The following DYNC2LI1 variants were observed in gnomAD, a reference collection of about 807,000 sequenced individuals.
DYNC2LI1 encodes the protein cytoplasmic dynein 2 light intermediate chain 1.
Under a neutral mutation model 51.9 loss-of-function variants are expected in DYNC2LI1, and 45 were observed. The observed-to-expected ratio is 0.87, with a 90% CI of 0.68 to 1.11. The LOEUF (loss-of-function observed/expected upper bound fraction) is 1.11. Among genes scored for constraint, DYNC2LI1 ranks in the 50% most tolerant of loss-of-function variants. The pLI, the probability that DYNC2LI1 is intolerant of heterozygous loss-of-function variation, is 0.00. For synonymous variants in DYNC2LI1, 130 were observed against 137.8 expected, an observed-to-expected ratio of 0.94 and a Z score of 0.40; for missense variants, 490 against 417.4, an observed-to-expected ratio of 1.17 and a Z score of -1.51.
downstream of DYNC2LI1, chr2:43,810,366 C>T (rs773454928): frequency 1.0e-6 from 1 of 985,298 alleles, no homozygotes; most frequent in Non-Finnish European, 1.2e-6. Flanking sequence ...TTAAATACCA[C>T]TTTTTGAAGA....
chr2:43,790,036 G>A (rs1007724967), intron 5 of DYNC2LI1, among the ~76,000 whole-genome samples: 39 of 152,278 alleles, frequency 2.6e-4, no homozygotes, highest in African/African-American at 8.4e-4. Flanking sequence ...AATTTGAAAA[G>A]CCTAATTCTT....
rs374794949 is a variant in DYNC2LI1 at position 43,787,151 on chromosome 2, A to G, written c.162-30A>G. The G allele has an allele frequency of 1.4e-5, 22 of 1,569,930 alleles. No homozygotes were observed. In the South Asian group the frequency reaches 1.8e-4, roughly 13 times the overall value. On this transcript the variant is annotated intron_variant, in intron 3 of 12. Transcript: ENST00000260605. ...GCATAAGAAACTAATACCACCTACA[A>G]TGATAATACTATCGGCCTTTATTAT...
At chr2:43,776,753 C>T in intron 1 of DYNC2LI1, 29 bp from the exon 2 acceptor site, 1 of 1,014,284 alleles carries the variant, frequency 9.9e-7, no homozygotes, top group African/African-American at 1.7e-5. Context: ...CTTTTTCCCT[C>T]AATTTTGTTT....
intron 8 of DYNC2LI1, 106 bp downstream of exon 8, chr2:43,796,901 A>G (rs935116649): frequency 1.2e-5 from 10 of 848,804 alleles, no homozygotes; most frequent in African/African-American, 1.2e-4. Flanking sequence ...GCTAATGCAC[A>G]TGGTCCCGTT....
chr2:43,787,053 G>C (rs948702362), intron 3 of DYNC2LI1, 128 bp from the exon 4 acceptor site: 5 of 618,964 alleles, frequency 8.1e-6, no homozygotes, highest in Non-Finnish European at 1.4e-5. Flanking sequence ...TTATTTCAAC[G>C]CTATTATACA....
intron 1 of DYNC2LI1, 91 bp downstream of exon 1, chr2:43,774,237 T>C (rs566370396): frequency 6.4e-7 from 1 of 1,556,314 alleles, no homozygotes; most frequent in South Asian, 1.2e-5. Flanking sequence ...TGGAAGATTG[T>C]GGGGGTGGCT....
chr2:43,789,556 A>T, intron 4 of DYNC2LI1, 77 bp from the exon 5 acceptor site: 1 of 1,228,488 alleles, frequency 8.1e-7, no homozygotes, highest in Non-Finnish European at 1.2e-6. Flanking sequence ...TTTTGTATGT[A>T]TAATTATTAC....
rs2288709 is a variant in DYNC2LI1, at chr2:43,776,871, T to C, written c.98T>C (p.Phe33Ser). The C allele has an allele frequency of 0.4, 631,938 of 1,594,682 alleles. 136,513 individuals carry two copies. The highest frequency in any genetic ancestry group is 0.83 in the African/African-American group (61,871 of 74,228). ...EGDGAEIAEKFVFFIGSKNGG... is the reference protein window; with the variant it reads ...EGDGAEIAEKSVFFIGSKNGG... ...GATGGAGCTGAAATTGCAGAAAAAT[T>C]TGTTTTCTTCATTGGCAGTAAAAAT... Residue 33 changes from phenylalanine (F) to serine (S), a missense_variant, in exon 2 of 13, where the codon TTT becomes TCT. Phe to Ser is a radical substitution (Grantham distance 155, BLOSUM62 -2). Coordinates refer to ENST00000260605, the MANE Select transcript of DYNC2LI1 (RefSeq NM_016008.4).
At chr2:43,822,642 T>A in the DYNC2LI1 span, 1 of 982,888 alleles carries the variant, frequency 1.0e-6, no homozygotes, top group African/African-American at 1.7e-5. Flanking sequence ...ATAAAATTAA[T>A]GTCCTGGAAG....
chr2:43,813,327 G>A (rs766293298), downstream of DYNC2LI1: 1 of 1,562,294 alleles, frequency 6.4e-7, no homozygotes, highest in Non-Finnish European at 8.8e-7. Context: ...GGAAAAGATT[G>A]ACAGTGTCAG....
At chr2:43,816,831 C>T in the DYNC2LI1 span, among the ~76,000 whole-genome samples, 1 of 152,184 alleles carries the variant, frequency 6.6e-6, no homozygotes, top group African/African-American at 2.4e-5. Flanking sequence ...CAAAATTTAA[C>T]TCTAGGCTCT....
At chr2:43,792,771 AT>A (rs2104692310) in intron 5 of DYNC2LI1, 1 of 1,541,546 alleles carries the variant, frequency 6.5e-7, no homozygotes, top group East Asian at 2.5e-5. Flanking sequence ...TCCTTTTGTT[AT>A]TTATTTCATT....
intron 7 of DYNC2LI1, among the ~76,000 whole-genome samples, chr2:43,796,318 G>A (rs1011090417): frequency 8.8e-5 from 13 of 146,980 alleles, no homozygotes; most frequent in African/African-American, 3.4e-4. Flanking sequence ...GGGTTACACA[G>A]TGAGACACTT....
At chr2:43,805,716 A>C (rs1260338317) in intron 12 of DYNC2LI1, among the ~76,000 whole-genome samples, 1 of 152,170 alleles carries the variant, frequency 6.6e-6, no homozygotes, top group Non-Finnish European at 1.5e-5. Flanking sequence ...GAAAGCACAC[A>C]GACATACCTG....
At chr2:43,815,691 G>T in the DYNC2LI1 span, among the ~76,000 whole-genome samples, 9 of 152,160 alleles carry the variant, frequency 5.9e-5, no homozygotes, top group African/African-American at 2.2e-4. Flanking sequence ...CTGCATATGG[G>T]ACTGACTGGA....
At chr2:43,788,832 C>A (rs1034472905) in intron 4 of DYNC2LI1, among the ~76,000 whole-genome samples, 1 of 152,204 alleles carries the variant, frequency 6.6e-6, no homozygotes, top group African/African-American at 2.4e-5. Context: ...TGGAGTCTCA[C>A]TGTGTTGGCC....
chr2:43,784,283 C>A (rs1673419122), intron 3 of DYNC2LI1, among the ~76,000 whole-genome samples: 1 of 152,196 alleles, frequency 6.6e-6, no homozygotes, highest in African/African-American at 2.4e-5. Context: ...GAACTATCAA[C>A]AGTAACACCT....
chr2:43,804,730 T>G lies in DYNC2LI1; in HGVS notation c.891T>G (p.Phe297Leu). Residue 297 changes from phenylalanine (F) to leucine (L), a missense_variant, in exon 11 of 13, where the codon TTT (phenylalanine) becomes TTG (leucine). Phe to Leu is a conservative substitution (Grantham distance 22). Transcript: ENST00000260605. The part of the protein sequence containing the change: ...ELWKKVYEKL[F>L]PPKSINTLKD... ...GGAAAAAAGTGTATGAAAAGCTCTT[T>G]CCACCAAAGGTACATATTTCTAATT... 6.2e-7 allele frequency: 1 copy of G among 1,600,862 alleles called. No individual in the cohort carries two copies. The highest frequency in any genetic ancestry group is 8.5e-7 in the Non-Finnish European group (1 of 1,174,024).
intron 12 of DYNC2LI1, among the ~76,000 whole-genome samples, chr2:43,809,217 C>T (rs980983404): frequency 6.6e-6 from 1 of 152,090 alleles, no homozygotes; most frequent in Non-Finnish European, 1.5e-5. Context: ...GTCTCAAATT[C>T]CTGGGCTCAA....
Sources: gnomAD v4.1 joint callset for allele counts (sites outside exome capture counted in the v4.1 genomes callset) on GRCh38, gnomAD v4.1.1 for gene constraint, MANE v1.5 for transcripts, NCBI Gene and HGNC (gene_info 2026-07-23, HGNC 2026-07-21) for gene names.